The following TRPM7 variants were observed in gnomAD, a reference collection of about 807,000 sequenced individuals.
TRPM7 encodes the protein LTRPC ion channel family member 7.
Under a neutral mutation model 229.7 loss-of-function variants are expected in TRPM7, and 134 were observed. The observed-to-expected ratio is 0.58, with a 90% CI of 0.51 to 0.67. The LOEUF (loss-of-function observed/expected upper bound fraction) is 0.67, where lower values mean the gene tolerates loss of function less well. Among genes scored for constraint, TRPM7 ranks in the 30% least tolerant of loss-of-function variants. The probability of loss-of-function intolerance (pLI) is 0.00; values close to 1 mark genes in which losing one functional copy is unlikely to be tolerated. For missense variants in TRPM7, 1,901 were observed against 2,210.0 expected, an observed-to-expected ratio of 0.86 and a Z score of 2.80; for synonymous variants, 699 against 715.2, an observed-to-expected ratio of 0.98 and a Z score of 0.36.
chr15:50,656,085 T>C (rs1412587199), intron 3 of TRPM7, among the ~76,000 whole-genome samples: 7 of 151,922 alleles, frequency 4.6e-5, no homozygotes, highest in African/African-American at 1.5e-4. Flanking sequence ...TCTTCAAACA[T>C]GAAAATAAAA....
At chr15:50,570,849 G>A (rs1017336802) in intron 36 of TRPM7, among the ~76,000 whole-genome samples, 2 of 144,872 alleles carry the variant, frequency 1.4e-5, no homozygotes, top group Non-Finnish European at 1.5e-5. Context: ...AGTGAAATTC[G>A]TCTCAAAAAA....
rs746357808 is a variant in TRPM7 at position 50,609,557 on chromosome 15, T to C, written c.2580+24A>G. The C allele has an allele frequency of 8.2e-6, 13 of 1,590,808 alleles. No homozygotes were observed. In the African/African-American group the frequency reaches 9.5e-5, roughly 12 times the overall value. ...CAAAGCCTAACTCTTAAAAACATTA[T>C]GCTTGTGTAATTTAAAAACATACCG... On this transcript the variant is annotated intron_variant, in intron 19 of 38. Coordinates refer to ENST00000646667, the MANE Select transcript of TRPM7 (RefSeq NM_017672.6).
chr15:50,656,061 T>C (rs935357208), intron 3 of TRPM7, among the ~76,000 whole-genome samples: 38 of 151,040 alleles, frequency 2.5e-4, no homozygotes, highest in African/African-American at 9.2e-4. Context: ...GAATTCTATA[T>C]CCAGTGAAAA....
intron 1 of TRPM7, among the ~76,000 whole-genome samples, chr15:50,667,212 T>C (rs2061906000): frequency 6.6e-6 from 1 of 152,162 alleles, no homozygotes; most frequent in African/African-American, 2.4e-5. Flanking sequence ...CTTGGCCCCC[T>C]AGAAGCTGTG....
chr15:50,587,916 C>T (rs1187550178), intron 27 of TRPM7, among the ~76,000 whole-genome samples: 5 of 152,164 alleles, frequency 3.3e-5, no homozygotes, highest in Admixed American at 2.0e-4. Context: ...ATTTGGTAGA[C>T]AGCAGTCTGT....
Position 50,577,945 on chromosome 15 carries a change from GAAGC to G in TRPM7, c.4618+690_4618+693del, listed in dbSNP as rs147685094. On this transcript the variant is annotated intron_variant, in intron 31 of 38. Coordinates refer to ENST00000646667, the MANE Select transcript of TRPM7 (RefSeq NM_017672.6). ...TTTTATAACAATATGTTAAGAAGAA[GAAGC>G]AAGACACAGAACAGTATATACTGTA... 2.6e-3 allele frequency among the ~76,000 whole-genome samples: 401 copies of G among 152,204 alleles called. 14 individuals are homozygous for G. In the East Asian group the frequency reaches 0.066, roughly 25 times the overall value.
At chr15:50,598,573 T>C (rs2059691739) in intron 22 of TRPM7, among the ~76,000 whole-genome samples, 1 of 152,216 alleles carries the variant, frequency 6.6e-6, no homozygotes, top group Non-Finnish European at 1.5e-5. Flanking sequence ...TGATCTACGC[T>C]AATCATGGTA....
intron 19 of TRPM7, 72 bp from the exon 20 acceptor site, chr15:50,607,400 AAC>A (rs1229525793): frequency 6.1e-6 from 8 of 1,303,614 alleles, no homozygotes; most frequent in African/African-American, 4.5e-5. Flanking sequence ...AACATTTTCA[AAC>A]ACACACAAAA....
At chr15:50,685,452 G>C (rs1350459875) in intron 1 of TRPM7, among the ~76,000 whole-genome samples, 2 of 152,162 alleles carry the variant, frequency 1.3e-5, no homozygotes, top group Non-Finnish European at 2.9e-5. Context: ...GTGAGACCCT[G>C]TCTCAAAACA....
intron 20 of TRPM7, among the ~76,000 whole-genome samples, chr15:50,606,084 T>TA (rs563160922): frequency 3.4e-4 from 52 of 152,280 alleles, no homozygotes; most frequent in Middle Eastern, 3.4e-3. Flanking sequence ...AAGTATGTTA[T>TA]AAAACAATAT....
At chr15:50,562,082 G>A (rs140615139) in intron 38 of TRPM7, among the ~76,000 whole-genome samples, 2,182 of 151,954 alleles carry the variant, frequency 0.014, 69 homozygotes, top group African/African-American at 0.05. Flanking sequence ...TTTTAGTAGA[G>A]ACAGGGTTTC....
In TRPM7 at chr15:50,686,751, A is replaced by G. The variant is rs2062368690; in HGVS notation, c.-218T>C. 1.8e-6 allele frequency: 1 copy of G among 544,436 alleles called. No individual in the cohort carries two copies. Among genetic ancestry groups the G allele is most frequent in the Non-Finnish European group, 3.0e-6 (1 of 330,916 alleles). 33.7% of individuals were successfully genotyped at this position (544,436 alleles called of 1,614,324 possible). ...GACCAACTCCTCCGGGTGACTGGCC[A>G]CAGGGACGCGCCCGCGCCCGCCTCC... On this transcript the variant is annotated 5_prime_UTR_variant, in exon 1 of 39. Transcript: ENST00000646667.
intron 28 of TRPM7, among the ~76,000 whole-genome samples, chr15:50,583,872 C>A (rs2054552377): frequency 6.6e-6 from 1 of 152,132 alleles, no homozygotes. Context: ...CTGCGCCTAG[C>A]CAGCTTAGAG....
At chr15:50,618,998 A>G (rs1416088948) in intron 13 of TRPM7, among the ~76,000 whole-genome samples, 1 of 152,032 alleles carries the variant, frequency 6.6e-6, no homozygotes, top group Non-Finnish European at 1.5e-5. Context: ...AAGGGGAGAG[A>G]GTTTTCAGCA....
At chr15:50,622,290 C>A (rs187023491) in intron 12 of TRPM7, among the ~76,000 whole-genome samples, 1 of 152,184 alleles carries the variant, frequency 6.6e-6, no homozygotes, top group Admixed American at 6.5e-5. Context: ...CCCTGAAAAT[C>A]AAAAAGTTTG....
intron 6 of TRPM7, 133 bp downstream of exon 6, chr15:50,639,291 C>T: frequency 1.5e-6 from 1 of 686,598 alleles, no homozygotes; most frequent in Non-Finnish European, 2.0e-6. Flanking sequence ...AGAAGTAAAC[C>T]TCAGGAAAAT....
At chr15:50,684,287 G>T (rs1363740424) in intron 1 of TRPM7, among the ~76,000 whole-genome samples, 1 of 151,862 alleles carries the variant, frequency 6.6e-6, no homozygotes, top group African/African-American at 2.4e-5. Context: ...TGAGTAGCTA[G>T]GATTACCACG....
At chr15:50,678,904 C>T (rs377049047) in intron 1 of TRPM7, among the ~76,000 whole-genome samples, 1 of 152,110 alleles carries the variant, frequency 6.6e-6, no homozygotes. Flanking sequence ...GACGAAGTCT[C>T]GCTCTGTCAC....
chr15:50,614,563 G>A (rs1347188500), intron 13 of TRPM7, among the ~76,000 whole-genome samples: 1 of 151,564 alleles, frequency 6.6e-6, no homozygotes, highest in South Asian at 2.1e-4. Flanking sequence ...TACTCAAGAG[G>A]CTGAGGCAGG....
Sources: allele counts gnomAD v4.1 joint callset (sites outside exome capture counted in the v4.1 genomes callset), GRCh38; gene constraint gnomAD v4.1.1; transcripts MANE v1.5; gene names NCBI Gene and HGNC (gene_info 2026-07-23, HGNC 2026-07-21).